Variants in HECW1 observed in about 807,000 individuals in gnomAD.
The protein encoded by HECW1 is HECT, C2 and WW domain containing E3 ubiquitin protein ligase 1.
A neutral mutation model predicts 182.3 loss-of-function variants in HECW1; 61 were observed. That is an observed-to-expected ratio of 0.33 (90% CI 0.27 to 0.41). The LOEUF is 0.41. Among genes scored for constraint, HECW1 ranks in the 10% least tolerant of loss-of-function variants. HECW1 has a pLI of 1.00. For missense variants in HECW1, 1,739 were observed against 2,108.9 expected (o/e 0.82, Z 3.44); for synonymous variants, 859 against 832.6 (o/e 1.03, Z -0.55).
intron 21 of HECW1, among the ~76,000 whole-genome samples, chr7:43,502,314 A>G (rs1012708700): frequency 2.6e-5 from 4 of 152,176 alleles, no homozygotes; most frequent in African/African-American, 7.2e-5. Flanking sequence ...CTTTGCAGGT[A>G]TTTTCCATTC....
At chr7:43,411,448 T>C (rs1411262698) in intron 8 of HECW1, among the ~76,000 whole-genome samples, 3 of 152,206 alleles carry the variant, frequency 2.0e-5, no homozygotes, top group African/African-American at 7.2e-5. Flanking sequence ...AAAGAATGTA[T>C]ATTCTCCTAT....
At chr7:43,276,607 A>G (rs1803192541) in intron 3 of HECW1, among the ~76,000 whole-genome samples, 1 of 152,172 alleles carries the variant, frequency 6.6e-6, no homozygotes, top group Admixed American at 6.6e-5. Context: ...TCCTGATAAA[A>G]TGTGCCTTAT....
chr7:43,138,843 T>C (rs938103930), intron 2 of HECW1, among the ~76,000 whole-genome samples: 2 of 152,146 alleles, frequency 1.3e-5, no homozygotes, highest in Non-Finnish European at 2.9e-5. Context: ...AAATGTCAGA[T>C]AAAGAGGCCT....
At chr7:43,113,299 C>G (rs1784780501) in intron 1 of HECW1, among the ~76,000 whole-genome samples, 2 of 152,144 alleles carry the variant, frequency 1.3e-5, no homozygotes, top group Non-Finnish European at 2.9e-5. Context: ...GCGGAGAGAC[C>G]TACGTAATCC....
In HECW1 at chr7:43,145,184, T is replaced by C. The variant is rs148230610; in HGVS notation, c.-32+30793T>C. Among the ~76,000 whole-genome samples the C allele has an allele frequency of 2.9e-4, 44 of 152,318 alleles. No individual in the cohort carries two copies. In the East Asian group the frequency reaches 7.9e-3, roughly 27 times the overall value. On this transcript the variant is annotated intron_variant, in intron 2 of 29. Transcript: ENST00000395891. ...TTTTGAATCTTGAGATATGGGTTGATTGGATTGTGGGTTAAGCTGTATGAA... is the reference window on the plus strand; with the variant it reads ...TTTTGAATCTTGAGATATGGGTTGACTGGATTGTGGGTTAAGCTGTATGAA...
At chr7:43,305,803 C>G (rs941344188) in intron 3 of HECW1, among the ~76,000 whole-genome samples, 8 of 151,934 alleles carry the variant, frequency 5.3e-5, no homozygotes, top group Non-Finnish European at 1.2e-4. Flanking sequence ...TCTTGTTGCC[C>G]AGGCTGGAGT....
At chr7:43,379,562 C>T (rs920210974) in intron 6 of HECW1, among the ~76,000 whole-genome samples, 5 of 152,194 alleles carry the variant, frequency 3.3e-5, no homozygotes, top group Non-Finnish European at 5.9e-5. Flanking sequence ...ACCATCATTC[C>T]TGCTGCTCTG....
At chr7:43,485,271 T>A (rs1431510069) in intron 17 of HECW1, among the ~76,000 whole-genome samples, 2 of 152,200 alleles carry the variant, frequency 1.3e-5, no homozygotes, top group Non-Finnish European at 2.9e-5. Context: ...CATGAAGGAA[T>A]CTTCATTCAG....
At chr7:43,212,571 C>T (rs751706376) in intron 2 of HECW1, among the ~76,000 whole-genome samples, 4 of 152,020 alleles carry the variant, frequency 2.6e-5, no homozygotes, top group African/African-American at 4.8e-5. Flanking sequence ...AAGGCTATTA[C>T]GCTGCACTCT....
At chr7:43,439,969 A>C (rs1383890144) in intron 9 of HECW1, 1 of 152,356 alleles carries the variant, frequency 6.6e-6, no homozygotes, top group Non-Finnish European at 1.5e-5. Flanking sequence ...CTTTGATGGG[A>C]TGATAGACTG....
At chr7:43,522,936 T>C (rs961258509) in intron 24 of HECW1, 23 of 349,364 alleles carry the variant, frequency 6.6e-5, no homozygotes, top group Non-Finnish European at 1.2e-4. Context: ...GGTGGGGATG[T>C]TATTGCTGGC....
Position 43,562,501 on chromosome 7 carries a change from T to TC in HECW1, c.*576dup. Reference sequence around the variant, plus strand: ...AATTTTTATACATTCAACTCATGATTCACATGTGGCATCAGTCCCATCAGC... The same window carrying TC: ...AATTTTTATACATTCAACTCATGATTCCACATGTGGCATCAGTCCCATCAGC... On this transcript the variant is annotated 3_prime_UTR_variant, in exon 30 of 30. Transcript: ENST00000395891. 4.4e-6 allele frequency: 1 copy of TC among 228,162 alleles called. No individual in the cohort carries two copies. The highest frequency in any genetic ancestry group is 5.7e-5 in the Admixed American group (1 of 17,604). The allele number at this position is 228,162 out of a possible 1,614,324, so 14.1% of individuals were successfully genotyped here.
At chr7:43,479,766 C>T in intron 17 of HECW1, 22 bp downstream of exon 17, 1 of 1,613,594 alleles carries the variant, frequency 6.2e-7, no homozygotes, top group Non-Finnish European at 8.5e-7. Context: ...TACACCCCGC[C>T]CTACTGTTCA....
At position 43,113,482 on chromosome 7, in the gene HECW1, C is replaced by T. The variant is rs541285512; in HGVS notation, c.-267+545C>T. The T allele has an allele frequency of 7.6e-4, 127 of 167,342 alleles. No homozygotes were observed. The Middle Eastern group carries it at 1.0e-2, about 13-fold the overall frequency. The allele number at this position is 167,342 out of a possible 1,614,324, so 10.4% of individuals were successfully genotyped here. A position where few individuals can be genotyped will look rare whatever the true frequency, so the allele number is the denominator to read the frequency against. On this transcript the variant is annotated intron_variant, in intron 1 of 29. Coordinates refer to ENST00000395891, the MANE Select transcript of HECW1 (RefSeq NM_015052.5). ...CGCTCGAGGGGCGCGTGGCCAGGTC[C>T]GGCCCTTGCTCCCATGGACGGGTGC...
intron 2 of HECW1, among the ~76,000 whole-genome samples, chr7:43,181,070 G>A (rs573873532): frequency 1.4e-5 from 2 of 143,624 alleles, no homozygotes; most frequent in Non-Finnish European, 2.9e-5. Flanking sequence ...AACTTTTTAA[G>A]ATTCCACATA....
chr7:43,484,588 A>G (rs948975601), intron 17 of HECW1: 2 of 152,194 alleles, frequency 1.3e-5, no homozygotes, highest in African/African-American at 4.8e-5. Context: ...GCATGTAAGG[A>G]CAGAATTAAA....
At chr7:43,267,355 T>A (rs909092064) in intron 3 of HECW1, among the ~76,000 whole-genome samples, 1 of 152,116 alleles carries the variant, frequency 6.6e-6, no homozygotes, top group Non-Finnish European at 1.5e-5. Context: ...AAAAGTACTA[T>A]TGGCCAAAGG....
intron 2 of HECW1, among the ~76,000 whole-genome samples, chr7:43,123,838 C>G (rs979316923): frequency 6.6e-6 from 1 of 152,206 alleles, no homozygotes; most frequent in Non-Finnish European, 1.5e-5. Flanking sequence ...AGACCAGGCC[C>G]TCCTCTCCAG....
intron 6 of HECW1, among the ~76,000 whole-genome samples, chr7:43,393,283 C>G (rs916062571): frequency 2.6e-5 from 4 of 152,168 alleles, no homozygotes; most frequent in African/African-American, 4.8e-5. Flanking sequence ...AGAAGACCAG[C>G]CATGTCCCTG....
Sources: gnomAD v4.1 joint callset for allele counts (sites outside exome capture counted in the v4.1 genomes callset) on GRCh38, gnomAD v4.1.1 for gene constraint, MANE v1.5 for transcripts, NCBI Gene and HGNC (gene_info 2026-07-23, HGNC 2026-07-21) for gene names.